The following NR4A3 variants were observed in gnomAD, a reference collection of about 807,000 sequenced individuals.
NR4A3 encodes chondrosarcoma, extraskeletal myxoid, fused to EWS.
NR4A3 carries 13 observed loss-of-function variants against 55.6 expected under a neutral mutation model. That is an observed-to-expected ratio of 0.23 (90% CI 0.15 to 0.37). The LOEUF (loss-of-function observed/expected upper bound fraction) is 0.37. Among genes scored for constraint, NR4A3 ranks in the 10% least tolerant of loss-of-function variants. NR4A3 has a pLI of 1.00. For missense variants in NR4A3, 646 were observed against 822.8 expected (o/e 0.79, Z 2.63); for synonymous variants, 342 against 357.9 (o/e 0.96, Z 0.50).
intron 7 of NR4A3, among the ~76,000 whole-genome samples, chr9:99,858,328 CT>C (rs1294010152): frequency 2.0e-5 from 3 of 152,206 alleles, no homozygotes; most frequent in East Asian, 1.9e-4. Context: ...CTCTCTCCCC[CT>C]GACTCCTTCT....
chr9:99,830,656 T>C (rs1827420611), intron 3 of NR4A3, among the ~76,000 whole-genome samples: 1 of 152,254 alleles, frequency 6.6e-6, no homozygotes, highest in Non-Finnish European at 1.5e-5. Context: ...CCACTGAGTT[T>C]GGCCATTTTT....
chr9:99,852,215 A>T (rs758422317), intron 7 of NR4A3, among the ~76,000 whole-genome samples: 6 of 152,256 alleles, frequency 3.9e-5, no homozygotes, highest in African/African-American at 7.2e-5. Flanking sequence ...GAAAGAGAAC[A>T]GCAAGGGCAT....
chr9:99,828,814 C>A lies in NR4A3; in HGVS notation c.772C>A (p.Pro258Thr). 1 of 1,474,002 alleles carries A rather than the reference C, an allele frequency of 6.8e-7. No homozygotes were observed. Among genetic ancestry groups the A allele is most frequent in the Non-Finnish European group, 9.0e-7 (1 of 1,116,768 alleles). 91.3% of individuals were successfully genotyped at this position (1,474,002 alleles called of 1,614,324 possible). ...AKRAAPLAFP[P>T]LGLTPSPTAS... ...GAGGGCGGCCCCGCTGGCCTTCCCGCCTCTCGGCCTCACGCCCTCCCCTAC... is the reference window on the plus strand; with the variant it reads ...GAGGGCGGCCCCGCTGGCCTTCCCGACTCTCGGCCTCACGCCCTCCCCTAC... The change falls in exon 3 of 8, where the codon CCT (proline) becomes ACT (threonine). Residue 258 changes from proline (P) to threonine (T), a missense_variant. Around this residue, in one of 5 missense-constraint regions of NR4A3, gnomAD observed 426 missense variants for 429.4 expected, o/e 0.99. Transcript: ENST00000395097. This position sits in a 1 kb window ranked among gnomAD's most constrained non-coding sequence, Gnocchi z 7.7.
At chr9:99,855,741 G>A (rs565038972) in intron 7 of NR4A3, among the ~76,000 whole-genome samples, 6 of 152,210 alleles carry the variant, frequency 3.9e-5, no homozygotes, top group East Asian at 1.9e-4. Flanking sequence ...AGAGAAAGGG[G>A]TAGAGCTCCG....
intron 1 of NR4A3, among the ~76,000 whole-genome samples, chr9:99,824,186 G>A (rs935018278): frequency 6.6e-6 from 1 of 152,196 alleles, no homozygotes; most frequent in African/African-American, 2.4e-5. Context: ...GAGAGCGGCG[G>A]GGCGCTGGGC....
intron 7 of NR4A3, among the ~76,000 whole-genome samples, chr9:99,852,699 C>T (rs1020237588): frequency 4.6e-5 from 7 of 152,196 alleles, no homozygotes; most frequent in Admixed American, 1.3e-4. Context: ...ACTCCTTTCT[C>T]GTCTGACTCT....
At chr9:99,826,797 T>C in intron 2 of NR4A3, 1 of 1,613,752 alleles carries the variant, frequency 6.2e-7, no homozygotes, top group Non-Finnish European at 8.5e-7. Context: ...GATTTGGAAA[T>C]GTGGGTAAGA....
chr9:99,828,248 A>G lies in NR4A3; in HGVS notation c.206A>G (p.Tyr69Cys), dbSNP rs1311181743. 4 of 1,613,940 alleles carry G rather than the reference A, an allele frequency of 2.5e-6. No individual in the cohort carries two copies. Among genetic ancestry groups the G allele is most frequent in the African/African-American group, 2.7e-5 (2 of 74,952 alleles). The change falls in exon 3 of 8, where the codon TAC (tyrosine) becomes TGC (cysteine). Residue 69 changes from tyrosine to cysteine, a missense_variant. By Grantham distance (194) the Tyr-to-Cys change is radical. Coordinates refer to ENST00000395097, the MANE Select transcript of NR4A3 (RefSeq NM_006981.4). This position sits in a 1 kb window ranked among gnomAD's most constrained non-coding sequence, Gnocchi z 7.7. The part of the protein sequence containing the change: ...STFVEGYSSN[Y>C]ELKPSCVYQM... ...TTCGTGGAGGGCTACTCGAGCAACT[A>G]CGAACTCAAGCCTTCCTGCGTGTAC...
Position 99,828,218 on chromosome 9 carries a change from G to A in NR4A3, c.176G>A (p.Ser59Asn). The part of the protein sequence containing the change: ...ATATTSLPSI[S>N]TFVEGYSSNY... ...GCCACCACGTCCCTGCCCAGCATCA[G>A]TACCTTCGTGGAGGGCTACTCGAGC... is the stretch of plus-strand genomic sequence containing the variant. Residue 59 changes from serine to asparagine, a missense_variant, in exon 3 of 8, where the codon AGT becomes AAT. By Grantham distance (46) the Ser-to-Asn change is conservative. Coordinates refer to ENST00000395097, the MANE Select transcript of NR4A3 (RefSeq NM_006981.4). The surrounding 1 kb of genome is among the most constrained non-coding windows in gnomAD (Gnocchi z 7.7). 1.2e-6 allele frequency: 2 copies of A among 1,613,922 alleles called. No homozygotes were observed. Among genetic ancestry groups the A allele is most frequent in the Non-Finnish European group, 1.7e-6 (2 of 1,179,944 alleles).
chr9:99,848,083 C>T (rs1827787486), intron 7 of NR4A3, among the ~76,000 whole-genome samples: 1 of 152,084 alleles, frequency 6.6e-6, no homozygotes, highest in South Asian at 2.1e-4. Flanking sequence ...GTTTTGTAGC[C>T]CTGTTTCACC....
chr9:99,847,213 C>T (rs939350974), intron 6 of NR4A3, among the ~76,000 whole-genome samples: 1 of 152,166 alleles, frequency 6.6e-6, no homozygotes, highest in Non-Finnish European at 1.5e-5. Context: ...CATATCTTCC[C>T]CTGGGCTGAT....
intron 7 of NR4A3, among the ~76,000 whole-genome samples, chr9:99,852,124 G>T (rs1375683160): frequency 6.6e-6 from 1 of 152,158 alleles, no homozygotes; most frequent in Non-Finnish European, 1.5e-5. Context: ...GGTGAAGGAA[G>T]GTAGAAGTGT....
chr9:99,838,490 C>A (rs1216520176), intron 5 of NR4A3, among the ~76,000 whole-genome samples: 1 of 152,196 alleles, frequency 6.6e-6, no homozygotes, highest in Non-Finnish European at 1.5e-5. Context: ...AAATTGTTAC[C>A]AATTCACCAG....
In NR4A3 at chr9:99,821,967, C is replaced by G. The variant is rs1438021647; in HGVS notation, c.-617C>G. 1 of 142,988 alleles carries G rather than the reference C, an allele frequency of 7.0e-6. No homozygotes were observed. The highest frequency in any genetic ancestry group is 1.5e-5 in the Non-Finnish European group (1 of 65,378). 8.9% of individuals were successfully genotyped at this position (142,988 alleles called of 1,614,324 possible). A position where few individuals can be genotyped will look rare whatever the true frequency, so the allele number is the denominator to read the frequency against. ...TCCTCCTCCGCTCCCCATACACAGA[C>G]GCGCTCACACCCGCTCCCTCACTCG... On this transcript the variant is annotated 5_prime_UTR_variant, in exon 1 of 8. Transcript: ENST00000395097.
intron 7 of NR4A3, among the ~76,000 whole-genome samples, chr9:99,852,224 A>G (rs771833543): frequency 2.6e-5 from 4 of 152,252 alleles, no homozygotes; most frequent in Non-Finnish European, 5.9e-5. Context: ...CAGCAAGGGC[A>G]TGGCAGTTGA....
chr9:99,849,667 A>C (rs1290875260), intron 7 of NR4A3, among the ~76,000 whole-genome samples: 1 of 152,234 alleles, frequency 6.6e-6, no homozygotes, highest in Admixed American at 6.5e-5. Context: ...GACAAAAACA[A>C]AAAACTAGAT....
intron 1 of NR4A3, among the ~76,000 whole-genome samples, chr9:99,824,489 C>G (rs1316346584): frequency 6.6e-6 from 1 of 152,210 alleles, no homozygotes; most frequent in East Asian, 1.9e-4. Context: ...GCAAGCTTTC[C>G]GTCCGAGCAG....
intron 5 of NR4A3, among the ~76,000 whole-genome samples, chr9:99,841,055 A>T (rs1006030931): frequency 3.3e-5 from 5 of 151,578 alleles, no homozygotes; most frequent in Non-Finnish European, 2.9e-5. Context: ...ACATGGTAAA[A>T]CCCTGTCTCT....
At chr9:99,834,350 A>G (rs748995743) in intron 5 of NR4A3, among the ~76,000 whole-genome samples, 4 of 152,186 alleles carry the variant, frequency 2.6e-5, no homozygotes, top group Non-Finnish European at 5.9e-5. Context: ...ACAGGGTCTC[A>G]ATGAAGAGGG....
Sources: gnomAD v4.1 joint callset for allele counts (sites outside exome capture counted in the v4.1 genomes callset) on GRCh38, gnomAD v4.1.1 for gene constraint, gnomAD v4.1.1 regional missense constraint, Gnocchi (gnomAD v3.1) non-coding constraint, MANE v1.5 for transcripts, NCBI Gene and HGNC (gene_info 2026-07-23, HGNC 2026-07-21) for gene names.